BACE2: variants seen among roughly 807,000 people sequenced by gnomAD.
BACE2 encodes beta-secretase 2, also known as 56 kDa aspartic-like protease.
In BACE2, 17 loss-of-function variants were observed where a neutral mutation model predicts 46.2. That is an observed-to-expected ratio of 0.37 (90% CI 0.25 to 0.55). The LOEUF (loss-of-function observed/expected upper bound fraction) is 0.55. Ranked by LOEUF, BACE2 falls within the 20% of genes least tolerant of loss-of-function variation. The pLI, the probability that BACE2 is intolerant of heterozygous loss-of-function variation, is 0.82. For missense variants in BACE2, 595 were observed against 698.1 expected (o/e 0.85, Z 1.66); for synonymous variants, 277 against 295.9 (o/e 0.94, Z 0.66).
intron 1 of BACE2, among the ~76,000 whole-genome samples, chr21:41,206,010 C>T (rs1986110780): frequency 2.0e-5 from 3 of 152,194 alleles, no homozygotes; most frequent in African/African-American, 7.2e-5. Context: ...TTCACAATAG[C>T]AAAAGGTGGA....
intron 8 of BACE2, among the ~76,000 whole-genome samples, chr21:41,267,820 C>T (rs1248815166): frequency 6.6e-6 from 1 of 152,140 alleles, no homozygotes; most frequent in Non-Finnish European, 1.5e-5. Context: ...GGGTCCAGAA[C>T]CCCTATCCTG....
chr21:41,264,305 G>A (rs187774646), intron 8 of BACE2, among the ~76,000 whole-genome samples: 9 of 151,394 alleles, frequency 5.9e-5, no homozygotes, highest in South Asian at 4.2e-4. Flanking sequence ...TACCATAGCC[G>A]GGCACAGTGG....
At position 41,250,884 on chromosome 21, in the gene BACE2, A is replaced by G. The variant is rs1987618733; in HGVS notation, c.1117A>G (p.Ile373Val). 6.2e-7 allele frequency: 1 copy of G among 1,614,042 alleles called. No individual in the cohort carries two copies. The highest frequency in any genetic ancestry group is 8.5e-7 in the Non-Finnish European group (1 of 1,180,024). ...CGAGAACTCCAGCAGGTCATTCCGT[A>G]TCACAATCCTGCCTCAGGTATGAAC... is the stretch of plus-strand genomic sequence containing the variant. ...RDENSSRSFR[I>V]TILPQLYIQP... The change falls in exon 7 of 9, where the codon ATC (isoleucine) becomes GTC (valine). Residue 373 changes from isoleucine (I) to valine (V), a missense_variant. This residue lies in a region of BACE2 where 343 missense variants were observed against 419.4 expected (regional missense o/e 0.82). Coordinates refer to ENST00000330333, the MANE Select transcript of BACE2 (RefSeq NM_012105.5).
At chr21:41,187,333 G>T (rs1985415176) in intron 1 of BACE2, among the ~76,000 whole-genome samples, 1 of 152,208 alleles carries the variant, frequency 6.6e-6, no homozygotes, top group South Asian at 2.1e-4. Flanking sequence ...GAGAGTCACA[G>T]GTGCTTGCAT....
intron 7 of BACE2, among the ~76,000 whole-genome samples, chr21:41,256,246 C>T (rs547213140): frequency 2.6e-5 from 4 of 152,298 alleles, no homozygotes; most frequent in Admixed American, 2.6e-4. Context: ...CCCTAGCCCT[C>T]TACCCCCTGA....
At chr21:41,274,314 C>G (rs755514290) in intron 8 of BACE2, among the ~76,000 whole-genome samples, 1 of 152,110 alleles carries the variant, frequency 6.6e-6, no homozygotes, top group Non-Finnish European at 1.5e-5. Flanking sequence ...ATTTTAAAAC[C>G]ATTCTTTTCA....
chr21:41,214,276 C>A (rs1054315757), intron 1 of BACE2, among the ~76,000 whole-genome samples: 18 of 152,128 alleles, frequency 1.2e-4, no homozygotes, highest in Non-Finnish European at 1.6e-4. Flanking sequence ...GAAGTGTGGA[C>A]AGAATTTGTT....
At chr21:41,262,043 C>A (rs781533906) in intron 8 of BACE2, among the ~76,000 whole-genome samples, 3 of 152,076 alleles carry the variant, frequency 2.0e-5, no homozygotes, top group East Asian at 1.9e-4. Flanking sequence ...AACCACAATA[C>A]CATAATCACA....
In BACE2 at chr21:41,257,992, G is replaced by A. The variant is rs138430538; in HGVS notation, c.1303+666G>A. On this transcript the variant is annotated intron_variant, in intron 8 of 8. Transcript: ENST00000330333. The stretch of plus-strand genomic sequence containing the variant: ...CACACACGGCTTAATGGGAGGATTA[G>A]GTATTTCTGACTGAGAGTCCAAGCC... Among the ~76,000 whole-genome samples the A allele has an allele frequency of 3.5e-3, 526 of 152,322 alleles. 4 individuals are homozygous for A. The highest frequency in any genetic ancestry group is 0.012 in the African/African-American group (507 of 41,564).
rs114687370 is a variant in BACE2 at position 41,173,337 on chromosome 21, C to T, written c.312+4762C>T. ...TAGTGCTGTATTGATATGAAGCCTG[C>T]GGCAAGAGAGTGCCCTGGGGCTTAG... On this transcript the variant is annotated intron_variant, in intron 1 of 8. Coordinates refer to ENST00000330333, the MANE Select transcript of BACE2 (RefSeq NM_012105.5). Among the ~76,000 whole-genome samples, 482 of 152,294 alleles carry T rather than the reference C, an allele frequency of 3.2e-3. 4 individuals carry two copies. The highest frequency in any genetic ancestry group is 0.01 in the Middle Eastern group (3 of 294).
chr21:41,231,810 T>C lies in BACE2; in HGVS notation c.401+5456T>C, dbSNP rs535279556. 2.6e-5 allele frequency among the ~76,000 whole-genome samples: 4 copies of C among 152,312 alleles called. No individual in the cohort carries two copies. The East Asian group carries it at 7.7e-4, about 29-fold the overall frequency. On this transcript the variant is annotated intron_variant, in intron 2 of 8. Transcript: ENST00000330333. Reference sequence around the variant, plus strand: ...GTTTCTTGCTCCATGTATTTAATTATTGTGCAGAGCAATTGAGAGCCAAAG... The same window carrying C: ...GTTTCTTGCTCCATGTATTTAATTACTGTGCAGAGCAATTGAGAGCCAAAG...
At chr21:41,260,080 G>A (rs1298555634) in intron 8 of BACE2, among the ~76,000 whole-genome samples, 3 of 147,846 alleles carry the variant, frequency 2.0e-5, no homozygotes, top group East Asian at 2.1e-4. Context: ...TTGACCCCCC[G>A]GCCCCGCCGT....
intron 1 of BACE2, among the ~76,000 whole-genome samples, chr21:41,199,883 C>T (rs1297877661): frequency 6.6e-6 from 1 of 152,078 alleles, no homozygotes; most frequent in Non-Finnish European, 1.5e-5. Context: ...CTCTTCTTCC[C>T]ACCTATGAGT....
rs773332682 is a variant in BACE2 at position 41,179,285 on chromosome 21, A to C, written c.312+10710A>C. The C allele has an allele frequency of 8.6e-6, 11 of 1,276,368 alleles. 1 individual carries two copies. The East Asian group carries it at 3.3e-4, about 38-fold the overall frequency. The allele number at this position is 1,276,368 out of a possible 1,614,324, so 79.1% of individuals were successfully genotyped here. A position where few individuals can be genotyped will look rare whatever the true frequency, so the allele number is the denominator to read the frequency against. On this transcript the variant is annotated intron_variant, in intron 1 of 8. Transcript: ENST00000330333. Reference sequence around the variant, plus strand: ...TCCAGGGTGAGGAGTGAGGGAGTCCAGGGTGAGGATTGAGGGTGTCAGGGT... The same window carrying C: ...TCCAGGGTGAGGAGTGAGGGAGTCCCGGGTGAGGATTGAGGGTGTCAGGGT...
chr21:41,233,018 G>A (rs753555276), intron 2 of BACE2, among the ~76,000 whole-genome samples: 22 of 151,980 alleles, frequency 1.4e-4, no homozygotes, highest in Admixed American at 2.0e-4. Flanking sequence ...ACAGGCGCCC[G>A]CCACCACACT....
chr21:41,177,407 C>T (rs1380513746), intron 1 of BACE2: 4 of 152,424 alleles, frequency 2.6e-5, no homozygotes, highest in Non-Finnish European at 4.4e-5. Flanking sequence ...GCCCTTCCCT[C>T]ACAGCACACT....
At chr21:41,242,019 C>A in intron 4 of BACE2, 72 bp downstream of exon 4, 1 of 1,589,064 alleles carries the variant, frequency 6.3e-7, no homozygotes, top group Non-Finnish European at 8.6e-7. Context: ...TTTTATTAAA[C>A]ACCTGAGCAG....
chr21:41,241,896 G>A lies in BACE2; in HGVS notation c.696G>A (p.Met232Ile). 6.2e-7 allele frequency: 1 copy of A among 1,614,204 alleles called. No individual in the cohort carries two copies. The highest frequency in any genetic ancestry group is 8.5e-7 in the Non-Finnish European group (1 of 1,180,044). Reference sequence around the variant, plus strand: ...TCCCCAACGTTTTCTCCATGCAGATGTGTGGAGCCGGCTTGCCCGTTGCTG... The same window carrying A: ...TCCCCAACGTTTTCTCCATGCAGATATGTGGAGCCGGCTTGCCCGTTGCTG... ...ANIPNVFSMQ[M>I]CGAGLPVAGS... is the part of the protein sequence containing the mutation. The change falls in exon 4 of 9, where the codon ATG becomes ATA. Residue 232 changes from methionine to isoleucine, a missense_variant. Met to Ile is a conservative substitution (Grantham distance 10). This residue lies in a region of BACE2 where 343 missense variants were observed against 419.4 expected (regional missense o/e 0.82). Transcript: ENST00000330333.
chr21:41,178,324 C>T (rs1984936714), intron 1 of BACE2: 1 of 152,194 alleles, frequency 6.6e-6, no homozygotes, highest in South Asian at 2.1e-4. Context: ...GATCTTCTTG[C>T]CAGATGCATT....
Sources: allele counts gnomAD v4.1 joint callset (sites outside exome capture counted in the v4.1 genomes callset), GRCh38; gene constraint gnomAD v4.1.1; regional missense constraint gnomAD v4.1.1; transcripts MANE v1.5; gene names NCBI Gene and HGNC (gene_info 2026-07-23, HGNC 2026-07-21).